GMPS: variants seen among roughly 807,000 people sequenced by gnomAD.
GMPS encodes GMP synthase [glutamine-hydrolyzing].
GMPS carries 15 observed loss-of-function variants against 77.9 expected under a neutral mutation model. The ratio of observed to expected loss-of-function variants is 0.19; its 90% confidence interval spans 0.13 to 0.30. The LOEUF (loss-of-function observed/expected upper bound fraction) is 0.30. Among genes scored for constraint, GMPS ranks in the 10% least tolerant of loss-of-function variants. GMPS has a pLI of 1.00. For synonymous variants in GMPS, 224 were observed against 275.9 expected, an observed-to-expected ratio of 0.81 and a Z score of 1.86; for missense variants, 590 against 838.8, an observed-to-expected ratio of 0.70 and a Z score of 3.66.
Position 155,917,692 on chromosome 3 carries a change from A to G in GMPS, c.1212+1500A>G, listed in dbSNP as rs1353964240. ...GTTTGAGACCAGCCTGGTCAACATGATGAAACCCCGTCTTTACTAAGAATA... is the reference window on the plus strand; with the variant it reads ...GTTTGAGACCAGCCTGGTCAACATGGTGAAACCCCGTCTTTACTAAGAATA... On this transcript the variant is annotated intron_variant, in intron 9 of 15. Coordinates refer to ENST00000496455, the MANE Select transcript of GMPS (RefSeq NM_003875.3). 3.3e-5 allele frequency among the ~76,000 whole-genome samples: 5 copies of G among 151,726 alleles called. 1 individual carries two copies. The East Asian group carries it at 9.8e-4, about 30-fold the overall frequency.
In GMPS at chr3:155,935,066, G is replaced by T. The variant is rs761238528; in HGVS notation, c.1807+20G>T. ...AGTCTGGTAAGTTGCTCATGTTTTT[G>T]ATTACTACCCTCTGAAACTAGTTTT... On this transcript the variant is annotated intron_variant, in intron 14 of 15. Coordinates refer to ENST00000496455, the MANE Select transcript of GMPS (RefSeq NM_003875.3). 3.2e-6 allele frequency: 5 copies of T among 1,582,148 alleles called. No homozygotes were observed. Among genetic ancestry groups the T allele is most frequent in the South Asian group, 1.1e-5 (1 of 90,332 alleles).
At chr3:155,899,379 A>AG (rs1754678171) in intron 3 of GMPS, among the ~76,000 whole-genome samples, 1 of 151,514 alleles carries the variant, frequency 6.6e-6, no homozygotes, top group Admixed American at 6.6e-5. Context: ...AAAAAAAAAA[A>AG]GTAAGAATAA....
At chr3:155,919,054 G>A (rs1755255004) in intron 9 of GMPS, among the ~76,000 whole-genome samples, 179 bp from the exon 10 acceptor site, 1 of 152,168 alleles carries the variant, frequency 6.6e-6, no homozygotes, top group African/African-American at 2.4e-5. Context: ...ATACCCATAA[G>A]ATATTCGTCT....
intron 5 of GMPS, among the ~76,000 whole-genome samples, chr3:155,909,907 A>C (rs549835437): frequency 1.7e-3 from 261 of 150,516 alleles, no homozygotes; most frequent in Non-Finnish European, 3.0e-3. Context: ...ACACCTCTGC[A>C]CTCCAGCCTG....
At chr3:155,890,428 G>T (rs1454895669) in intron 1 of GMPS, among the ~76,000 whole-genome samples, 1 of 152,018 alleles carries the variant, frequency 6.6e-6, no homozygotes, top group East Asian at 1.9e-4. Context: ...AAAAATTTTT[G>T]TTAAATCACT....
intron 13 of GMPS, 76 bp from the exon 14 acceptor site, chr3:155,934,840 C>G (rs777707790): frequency 1.0e-6 from 1 of 985,156 alleles, no homozygotes; most frequent in Non-Finnish European, 1.6e-6. Context: ...TTCTAAGTGC[C>G]TTGCTTCTCA....
chr3:155,931,795 G>T lies in GMPS; in HGVS notation c.1591G>T (p.Gly531Ter). ...CTGTCGTTCCTACAGTTACGTGTGT[G>T]GAATCTCCAGTAAAGATGAACCTGA... ...GDCRSYSYVC[G>*]ISSKDEPDWE... is the part of the protein sequence containing the mutation. The change falls in exon 13 of 16, where the codon GGA becomes TGA. Residue 531 changes from glycine (G) to a stop codon, truncating the protein, a stop_gained. Transcript: ENST00000496455. LOFTEE classifies it high-confidence loss of function. 6.4e-7 allele frequency: 1 copy of T among 1,571,716 alleles called. No individual in the cohort carries two copies. The highest frequency in any genetic ancestry group is 8.8e-7 in the Non-Finnish European group (1 of 1,142,652).
At chr3:155,879,919 T>C (rs557013006) in intron 1 of GMPS, among the ~76,000 whole-genome samples, 1 of 143,412 alleles carries the variant, frequency 7.0e-6, no homozygotes, top group African/African-American at 2.6e-5. Context: ...ATTTTAAAAT[T>C]GGATTATTTT....
Position 155,910,666 on chromosome 3 carries a change from A to C in GMPS, c.527-26A>C, listed in dbSNP as rs201616006. On this transcript the variant is annotated intron_variant, in intron 5 of 15. Coordinates refer to ENST00000496455, the MANE Select transcript of GMPS (RefSeq NM_003875.3). ...AGTCTTTTCAGCATGAAAAAATTTT[A>C]ATTTGTGACTATTTTCTCTATAAAG... is the stretch of plus-strand genomic sequence containing the variant. 3 of 1,282,632 alleles carry C rather than the reference A, an allele frequency of 2.3e-6. No homozygotes were observed. The Admixed American group carries it at 7.6e-5, about 32-fold the overall frequency. The allele number at this position is 1,282,632 out of a possible 1,614,324, so 79.5% of individuals were successfully genotyped here.
chr3:155,926,607 A>T (rs972426052), intron 12 of GMPS, among the ~76,000 whole-genome samples: 2 of 151,074 alleles, frequency 1.3e-5, no homozygotes, highest in Admixed American at 6.5e-5. Flanking sequence ...AAAAAAAGAA[A>T]TTCTGTTTCA....
At chr3:155,926,747 A>C (rs1486742064) in intron 12 of GMPS, among the ~76,000 whole-genome samples, 4 of 152,148 alleles carry the variant, frequency 2.6e-5, no homozygotes, top group African/African-American at 9.7e-5. Flanking sequence ...GATTGTTGCC[A>C]GGCGCAGTGG....
At position 155,916,083 on chromosome 3, in the gene GMPS, C is replaced by T; in HGVS notation, c.1103C>T (p.Thr368Ile). 1.9e-6 allele frequency: 3 copies of T among 1,613,134 alleles called. No individual in the cohort carries two copies. Among genetic ancestry groups the T allele is most frequent in the Non-Finnish European group, 2.5e-6 (3 of 1,179,132 alleles). ...GAGGAGGTTTTCCTTGCCCAAGGTA[C>T]TTTACGGCCTGATCTAATTGAAAGT... ...KPEEVFLAQG[T>I]LRPDLIESAS... The change falls in exon 9 of 16, where the codon ACT becomes ATT. Residue 368 changes from threonine (T) to isoleucine (I), a missense_variant. Transcript: ENST00000496455.
chr3:155,893,808 T>C (rs1378390913), intron 2 of GMPS, 109 bp downstream of exon 2: 16 of 615,714 alleles, frequency 2.6e-5, no homozygotes, highest in Non-Finnish European at 3.9e-5. Context: ...AGATATGGAA[T>C]GGTTTTATGA....
rs878933764 is a variant in GMPS, at chr3:155,942,106, T to G, written c.*4414T>G. 3.6e-5 allele frequency: 7 copies of G among 193,470 alleles called. 2 individuals carry two copies. In the Admixed American group the frequency reaches 4.3e-4, roughly 12 times the overall value. 12.0% of individuals were successfully genotyped at this position (193,470 alleles called of 1,614,324 possible). ...AGCATTTACAGTTTTGTTTTGTTTT[T>G]TTTTTAAGACAGAGTCTCGCTCTGT... is the stretch of plus-strand genomic sequence containing the variant. On this transcript the variant is annotated 3_prime_UTR_variant, in exon 16 of 16. Transcript: ENST00000496455.
intron 12 of GMPS, among the ~76,000 whole-genome samples, chr3:155,927,233 A>G (rs958596643): frequency 2.0e-4 from 31 of 152,304 alleles, no homozygotes; most frequent in African/African-American, 6.0e-4. Context: ...TCATTCATAC[A>G]TAAATTTATT....
At chr3:155,908,317 G>C (rs779209733) in intron 5 of GMPS, among the ~76,000 whole-genome samples, 227 of 152,360 alleles carry the variant, frequency 1.5e-3, no homozygotes, top group Non-Finnish European at 2.7e-3. Flanking sequence ...GGCCTTTCCT[G>C]TTCCTGTGTG....
chr3:155,885,240 G>C (rs1325337672), intron 1 of GMPS, among the ~76,000 whole-genome samples: 1 of 152,014 alleles, frequency 6.6e-6, no homozygotes, highest in Non-Finnish European at 1.5e-5. Context: ...CAAATCTATC[G>C]AACATTGAAA....
chr3:155,932,749 A>G (rs926392104), intron 13 of GMPS, among the ~76,000 whole-genome samples: 1 of 152,240 alleles, frequency 6.6e-6, no homozygotes, highest in African/African-American at 2.4e-5. Context: ...TTAAGCTAGC[A>G]GAGTCTGTAT....
In GMPS at chr3:155,939,587, C is replaced by T. The variant is rs137981187; in HGVS notation, c.*1895C>T. 8 of 199,464 alleles carry T rather than the reference C, an allele frequency of 4.0e-5. No individual in the cohort carries two copies. The highest frequency in any genetic ancestry group is 1.8e-4 in the African/African-American group (8 of 43,612). 12.4% of individuals were successfully genotyped at this position (199,464 alleles called of 1,614,324 possible). A position where few individuals can be genotyped will look rare whatever the true frequency, so the allele number is the denominator to read the frequency against. On this transcript the variant is annotated 3_prime_UTR_variant, in exon 16 of 16. Transcript: ENST00000496455. ...CTCTGAGAAATTCTGAAGTTAAAAACAATTGTTAAATTCTGCTTAAATTAG... is the reference window on the plus strand; with the variant it reads ...CTCTGAGAAATTCTGAAGTTAAAAATAATTGTTAAATTCTGCTTAAATTAG...
Sources: gnomAD v4.1 joint callset for allele counts (sites outside exome capture counted in the v4.1 genomes callset) on GRCh38, gnomAD v4.1.1 for gene constraint, MANE v1.5 for transcripts, NCBI Gene and HGNC (gene_info 2026-07-23, HGNC 2026-07-21) for gene names.